The following MTIF3 variants were observed in gnomAD, a reference collection of about 807,000 sequenced individuals.
MTIF3 encodes mitochondrial translational initiation factor 3.
A neutral mutation model predicts 20.7 loss-of-function variants in MTIF3; 13 were observed. The observed-to-expected ratio is 0.63, with a 90% CI of 0.41 to 1.00. The LOEUF is 1.00. Ranked by LOEUF, MTIF3 falls within the 50% of genes least tolerant of loss-of-function variation. The pLI is 0.00. For missense variants in MTIF3, 295 were observed against 324.5 expected (o/e 0.91, Z 0.70); for synonymous variants, 114 against 112.5 (o/e 1.01, Z -0.08).
At chr13:27,449,640 GA>G (rs1360109820) in intron 1 of MTIF3, among the ~76,000 whole-genome samples, 2 of 152,196 alleles carry the variant, frequency 1.3e-5, no homozygotes, top group African/African-American at 4.8e-5. Context: ...CAGTCCAGTT[GA>G]CCTTTCCTTT....
intron 1 of MTIF3, 49 bp downstream of exon 1, chr13:27,450,460 C>G (rs1446499274): frequency 2.0e-5 from 3 of 152,498 alleles, no homozygotes; most frequent in African/African-American, 7.2e-5. Flanking sequence ...GCCACGCCCT[C>G]CCGATGCCGG....
At chr13:27,447,177 T>A (rs1054818207) in intron 1 of MTIF3, among the ~76,000 whole-genome samples, 2 of 118,348 alleles carry the variant, frequency 1.7e-5, no homozygotes, top group African/African-American at 3.4e-5. Flanking sequence ...CCCTATCCTG[T>A]TCAGAACCAG....
chr13:27,441,370 G>C (rs772250581), intron 2 of MTIF3: 1 of 152,220 alleles, frequency 6.6e-6, no homozygotes, highest in Non-Finnish European at 1.5e-5. Flanking sequence ...ATAGCAGATA[G>C]GAACACACTA....
chr13:27,438,483 GTTTT>G (rs61052475), intron 3 of MTIF3, among the ~76,000 whole-genome samples: 3 of 107,174 alleles, frequency 2.8e-5, no homozygotes, highest in East Asian at 3.9e-4. Flanking sequence ...GAGCAAGACT[GTTTT>G]TTTTTTTTTT....
chr13:27,443,393 C>T (rs141463040), intron 2 of MTIF3, among the ~76,000 whole-genome samples: 65 of 152,274 alleles, frequency 4.3e-4, no homozygotes, highest in Middle Eastern at 6.8e-3. Flanking sequence ...AAACTAGCAG[C>T]AGCATCCAGT....
intron 1 of MTIF3, among the ~76,000 whole-genome samples, chr13:27,447,628 ACTC>A: frequency 6.6e-6 from 1 of 152,132 alleles, no homozygotes; most frequent in East Asian, 1.9e-4. Flanking sequence ...TGTAACCAAA[ACTC>A]CTATCGACAG....
chr13:27,445,025 T>C (rs1182821832), intron 2 of MTIF3, 63 bp downstream of exon 2: 1 of 152,178 alleles, frequency 6.6e-6, no homozygotes, highest in Non-Finnish European at 1.5e-5. Context: ...CATGGGACTA[T>C]TATATTGATT....
intron 2 of MTIF3, 166 bp from the exon 3 acceptor site, chr13:27,440,615 T>C: frequency 1.6e-6 from 1 of 623,314 alleles, no homozygotes; most frequent in Non-Finnish European, 2.8e-6. Flanking sequence ...AAGTCTACAC[T>C]GATAAAGCGG....
rs1566078721 is a variant in MTIF3 at position 27,435,667 on chromosome 13, T to C, written c.*8A>G. 1 of 1,613,442 alleles carries C rather than the reference T, an allele frequency of 6.2e-7. No homozygotes were observed. The highest frequency in any genetic ancestry group is 8.5e-7 in the Non-Finnish European group (1 of 1,179,628). ...CTTTCTCTCAGAGCATGCTTTTCTT[T>C]ATTAAAATTACTGATGCAGAACATT... On this transcript the variant is annotated 3_prime_UTR_variant, in exon 5 of 5. Coordinates refer to ENST00000381120, the MANE Select transcript of MTIF3 (RefSeq NM_152912.5).
Position 27,435,848 on chromosome 13 carries a change from T to C in MTIF3, c.664A>G (p.Thr222Ala). The C allele has an allele frequency of 6.2e-7, 1 of 1,614,008 alleles. No individual in the cohort carries two copies. The highest frequency in any genetic ancestry group is 8.5e-7 in the Non-Finnish European group (1 of 1,180,020). The change falls in exon 5 of 5, where the codon ACA becomes GCA. Residue 222 changes from threonine to alanine, a missense_variant. Thr to Ala is a moderately conservative substitution (Grantham distance 58). Transcript: ENST00000381120. ...ACAGCTTGTGGCCTAGATGAGAATG[T>C]AGCTATTCCAGGCATAGTCTGGAGT... ...QILQTMPGIATFSSRPQAVQG... is the reference protein window; with the variant it reads ...QILQTMPGIAAFSSRPQAVQG...
At chr13:27,442,153 C>G (rs1954025349) in intron 2 of MTIF3, among the ~76,000 whole-genome samples, 2 of 152,168 alleles carry the variant, frequency 1.3e-5, no homozygotes, top group Admixed American at 6.5e-5. Flanking sequence ...GCCTTCCATG[C>G]AAAACTTGCT....
At position 27,444,163 on chromosome 13, in the gene MTIF3, G is replaced by A. The variant is rs1168357954; in HGVS notation, c.-2+925C>T. On this transcript the variant is annotated intron_variant, in intron 2 of 4. Coordinates refer to ENST00000381120, the MANE Select transcript of MTIF3 (RefSeq NM_152912.5). Reference sequence around the variant, plus strand: ...CTAAAAAATAAAATAAAAATTAGCTGGGCGTGGTGGCGGGCGCCTGTAGTC... The same window carrying A: ...CTAAAAAATAAAATAAAAATTAGCTAGGCGTGGTGGCGGGCGCCTGTAGTC... Among the ~76,000 whole-genome samples the A allele has an allele frequency of 9.2e-5, 14 of 152,240 alleles. No individual in the cohort carries two copies. In the East Asian group the frequency reaches 2.7e-3, roughly 29 times the overall value.
chr13:27,437,389 C>A, intron 3 of MTIF3, 116 bp from the exon 4 acceptor site: 1 of 902,628 alleles, frequency 1.1e-6, no homozygotes. Flanking sequence ...TCTCATCTGG[C>A]TTTCAGTTTC....
At chr13:27,443,004 G>A (rs755670796) in intron 2 of MTIF3, among the ~76,000 whole-genome samples, 2 of 152,218 alleles carry the variant, frequency 1.3e-5, no homozygotes, top group African/African-American at 2.4e-5. Context: ...ATGAATGCAC[G>A]GGCCGAAGGA....
rs1262309611 is a variant in MTIF3 at position 27,440,180 on chromosome 13, A to G, written c.269T>C (p.Phe90Ser). The change falls in exon 3 of 5, where the codon TTT (phenylalanine) becomes TCT (serine). Residue 90 changes from phenylalanine to serine, a missense_variant. Coordinates refer to ENST00000381120, the MANE Select transcript of MTIF3 (RefSeq NM_152912.5). ...TCCCAAATCATTGCCCTTCTCATCA[A>G]ATAAGTGAATAACTCGCTGACTAAT... ...RKISQRVIHL[F>S]DEKGNDLGNM... is the part of the protein sequence containing the mutation. The G allele has an allele frequency of 6.2e-7, 1 of 1,614,082 alleles. No homozygotes were observed. Among genetic ancestry groups the G allele is most frequent in the Non-Finnish European group, 8.5e-7 (1 of 1,180,050 alleles).
intron 1 of MTIF3, among the ~76,000 whole-genome samples, chr13:27,445,444 C>G (rs1345243951): frequency 2.6e-5 from 4 of 151,898 alleles, no homozygotes; most frequent in African/African-American, 9.7e-5. Context: ...CCACTGCACT[C>G]CAGTCTGGAC....
At chr13:27,446,402 G>A (rs1170797722) in intron 1 of MTIF3, among the ~76,000 whole-genome samples, 1 of 152,190 alleles carries the variant, frequency 6.6e-6, no homozygotes, top group Non-Finnish European at 1.5e-5. Flanking sequence ...AGAAACAAAT[G>A]CTGAAGTATT....
rs923793080 is a variant in MTIF3, at chr13:27,450,558, G to C, written c.-120C>G. 7.2e-6 allele frequency: 1 copy of C among 139,474 alleles called. No homozygotes were observed. Among genetic ancestry groups the C allele is most frequent in the African/African-American group, 3.4e-5 (1 of 29,376 alleles). The allele number at this position is 139,474 out of a possible 1,614,324, so 8.6% of individuals were successfully genotyped here. ...TACTGTAGCGGACGCAAGTACAGCG[G>C]ATCTGCGGCGAGTCCCCTTCGCTCT... On this transcript the variant is annotated 5_prime_UTR_variant, in exon 1 of 5. In the 5' UTR this introduces an upstream ATG that the reference lacks. Coordinates refer to ENST00000381120, the MANE Select transcript of MTIF3 (RefSeq NM_152912.5).
At chr13:27,439,575 A>T (rs1173452971) in intron 3 of MTIF3, among the ~76,000 whole-genome samples, 1 of 152,200 alleles carries the variant, frequency 6.6e-6, no homozygotes, top group African/African-American at 2.4e-5. Context: ...AAACAAAAGG[A>T]GGGAGGTTAA....
Sources: gnomAD v4.1 joint callset for allele counts (sites outside exome capture counted in the v4.1 genomes callset) on GRCh38, gnomAD v4.1.1 for gene constraint, MANE v1.5 for transcripts, NCBI Gene and HGNC (gene_info 2026-07-23, HGNC 2026-07-21) for gene names.